The following NMNAT3 variants were observed in gnomAD, a reference collection of about 807,000 sequenced individuals.
NMNAT3 encodes nicotinamide nucleotide adenylyltransferase 3.
NMNAT3 carries 21 observed loss-of-function variants against 24.8 expected under a neutral mutation model. The observed-to-expected ratio is 0.85, with a 90% CI of 0.60 to 1.22. The LOEUF (loss-of-function observed/expected upper bound fraction) is 1.22. NMNAT3 is among the 50% of genes most tolerant of loss of function. The pLI is 0.00. For synonymous variants in NMNAT3, 136 were observed against 155.2 expected (o/e 0.88, Z 0.92); for missense variants, 387 against 436.6 (o/e 0.89, Z 1.01).
At chr3:139,563,329 G>A (rs535484912) in intron 6 of NMNAT3, among the ~76,000 whole-genome samples, 1 of 152,176 alleles carries the variant, frequency 6.6e-6, no homozygotes, top group East Asian at 1.9e-4. Flanking sequence ...AAACAATTAG[G>A]TAGTTTTATG....
At chr3:139,651,329 T>C (rs1032363266) in intron 1 of NMNAT3, among the ~76,000 whole-genome samples, 5 of 152,138 alleles carry the variant, frequency 3.3e-5, no homozygotes, top group African/African-American at 1.2e-4. Context: ...TTTTGCAAAG[T>C]AGTTTCTGTA....
rs751616556 is a variant in NMNAT3, at chr3:139,592,470, T to A, written c.110-9262A>T. 2.3e-3 allele frequency among the ~76,000 whole-genome samples: 345 copies of A among 151,630 alleles called. 1 individual carries two copies. The highest frequency in any genetic ancestry group is 3.5e-3 in the Admixed American group (54 of 15,222). ...TTCAAATTCAGGAAATACAGAGAAC[T>A]CCACAAAGATACTCCTCGAGAAGAG... On this transcript the variant is annotated intron_variant, in intron 3 of 6. Transcript: ENST00000643695.
intron 1 of NMNAT3, among the ~76,000 whole-genome samples, chr3:139,662,502 C>T (rs529902465): frequency 2.3e-4 from 35 of 152,216 alleles, no homozygotes; most frequent in African/African-American, 8.4e-4. Context: ...ATCTTTAAGG[C>T]CATGAGGGTA....
chr3:139,663,031 C>T (rs1013643337), intron 1 of NMNAT3, among the ~76,000 whole-genome samples: 2 of 152,216 alleles, frequency 1.3e-5, no homozygotes, highest in African/African-American at 4.8e-5. Context: ...TTTAAAACAA[C>T]ACACATTTAT....
chr3:139,592,149 G>C (rs900713076), intron 3 of NMNAT3, among the ~76,000 whole-genome samples: 10 of 152,168 alleles, frequency 6.6e-5, no homozygotes, highest in Admixed American at 1.3e-4. Context: ...TGAAAACCAA[G>C]GCTCGAGAAC....
chr3:139,600,934 C>T (rs760639022), intron 3 of NMNAT3, among the ~76,000 whole-genome samples: 2 of 152,158 alleles, frequency 1.3e-5, no homozygotes, highest in Admixed American at 6.5e-5. Flanking sequence ...AGAATCTTTT[C>T]GCAGTAGGTG....
chr3:139,613,737 A>G (rs2055341743), intron 3 of NMNAT3, among the ~76,000 whole-genome samples: 1 of 152,156 alleles, frequency 6.6e-6, no homozygotes, highest in South Asian at 2.1e-4. Flanking sequence ...AACCAACCCA[A>G]ATGTCCAACA....
At chr3:139,591,542 G>C (rs1351840777) in intron 3 of NMNAT3, among the ~76,000 whole-genome samples, 2 of 152,308 alleles carry the variant, frequency 1.3e-5, no homozygotes, top group East Asian at 3.9e-4. Context: ...AAAGACAGCA[G>C]TAACCTCTGC....
intron 1 of NMNAT3, among the ~76,000 whole-genome samples, chr3:139,641,472 AAGGGCCTGGCCCCAGGGGACCAGTC>A (rs1281156768): frequency 6.6e-6 from 1 of 152,166 alleles, no homozygotes; most frequent in Admixed American, 6.6e-5. Context: ...ATAGGAAAGC[AAGGGCCTGGCCCCAGGGGACCAGTC>A]ATATCCCTGG....
chr3:139,628,517 T>C (rs1165699213), intron 2 of NMNAT3, among the ~76,000 whole-genome samples: 1 of 152,230 alleles, frequency 6.6e-6, no homozygotes, highest in African/African-American at 2.4e-5. Context: ...TACTGGACTA[T>C]TATCTAATGT....
intron 3 of NMNAT3, among the ~76,000 whole-genome samples, chr3:139,627,203 T>C (rs563489018): frequency 1.3e-5 from 2 of 152,252 alleles, no homozygotes; most frequent in Admixed American, 6.5e-5. Flanking sequence ...AATGAGAAAA[T>C]GTCAAAATGC....
intron 3 of NMNAT3, among the ~76,000 whole-genome samples, chr3:139,611,037 G>C (rs376357852): frequency 9.7e-4 from 4 of 4,122 alleles, no homozygotes; most frequent in African/African-American, 1.3e-3. Flanking sequence ...GGTGAGGATG[G>C]GGGGGGTGGT....
intron 3 of NMNAT3, among the ~76,000 whole-genome samples, chr3:139,591,248 G>A (rs1307678548): frequency 6.6e-6 from 1 of 151,682 alleles, no homozygotes; most frequent in Non-Finnish European, 1.5e-5. Flanking sequence ...CCCGAATATT[G>A]CGCTTTTCAG....
chr3:139,612,328 A>G (rs1250252182), intron 3 of NMNAT3, among the ~76,000 whole-genome samples: 2 of 152,176 alleles, frequency 1.3e-5, no homozygotes, highest in African/African-American at 4.8e-5. Context: ...GTTCACTCAG[A>G]ATAAGTCATT....
chr3:139,670,588 C>T (rs2057725777), intron 1 of NMNAT3, among the ~76,000 whole-genome samples: 1 of 152,256 alleles, frequency 6.6e-6, no homozygotes, highest in Admixed American at 6.5e-5. Flanking sequence ...GTTTAATGCA[C>T]TAGGCTTTGG....
rs1936226632 is a variant in NMNAT3, at chr3:139,560,267, G to A, written c.*743C>T. The A allele has an allele frequency of 6.6e-6, 1 of 152,500 alleles. No homozygotes were observed. The highest frequency in any genetic ancestry group is 1.5e-5 in the Non-Finnish European group (1 of 68,004). 9.4% of individuals were successfully genotyped at this position (152,500 alleles called of 1,614,324 possible). On this transcript the variant is annotated 3_prime_UTR_variant, in exon 7 of 7. Coordinates refer to ENST00000643695, the MANE Select transcript of NMNAT3 (RefSeq NM_001320510.2). ...CAGGCAGTCATAAAACATTAAAAAA[G>A]ATCCTTTAAAACGGTCAGGCATCTG...
In NMNAT3 at chr3:139,642,477, T is replaced by C. The variant is rs550219417; in HGVS notation, c.-140-4415A>G. Among the ~76,000 whole-genome samples the C allele has an allele frequency of 2.6e-5, 4 of 152,270 alleles. No homozygotes were observed. The East Asian group carries it at 5.8e-4, about 22-fold the overall frequency. ...GCACCTGTGCCTGAGGAGGCCTTGG[T>C]GTATGGGGCCTAGGAAAGGATGATA... On this transcript the variant is annotated intron_variant, in intron 1 of 6. Coordinates refer to ENST00000643695, the MANE Select transcript of NMNAT3 (RefSeq NM_001320510.2).
chr3:139,602,031 C>T (rs2054741270), intron 3 of NMNAT3, among the ~76,000 whole-genome samples: 1 of 152,194 alleles, frequency 6.6e-6, no homozygotes, highest in African/African-American at 2.4e-5. Flanking sequence ...GATACATTTT[C>T]AATTTACCTT....
intron 1 of NMNAT3, among the ~76,000 whole-genome samples, chr3:139,675,280 C>T (rs537994464): frequency 7.9e-5 from 12 of 152,222 alleles, no homozygotes; most frequent in Admixed American, 7.8e-4. Flanking sequence ...CAAAATTAGA[C>T]TCCATAGCTC....
Sources: allele counts gnomAD v4.1 joint callset (sites outside exome capture counted in the v4.1 genomes callset), GRCh38; gene constraint gnomAD v4.1.1; transcripts MANE v1.5; gene names NCBI Gene and HGNC (gene_info 2026-07-23, HGNC 2026-07-21).